SAMD12: variants seen among roughly 807,000 people sequenced by gnomAD.
SAMD12 encodes sterile alpha motif domain containing 12, also known as sterile alpha motif domain-containing protein 12.
Under a neutral mutation model 15.0 loss-of-function variants are expected in SAMD12, and 9 were observed. The observed-to-expected ratio is 0.60, with a 90% CI of 0.36 to 1.05. The LOEUF (loss-of-function observed/expected upper bound fraction) is 1.05, where lower values mean the gene tolerates loss of function less well. Among genes scored for constraint, SAMD12 ranks in the 50% least tolerant of loss-of-function variants. The pLI is 0.01. For missense variants in SAMD12, 230 were observed against 234.2 expected, an observed-to-expected ratio of 0.98 and a Z score of 0.12; for synonymous variants, 86 against 90.1, an observed-to-expected ratio of 0.96 and a Z score of 0.25.
At chr8:118,157,689 C>T in the SAMD12 span, among the ~76,000 whole-genome samples, 19 of 152,114 alleles carry the variant, frequency 1.2e-4, 3 homozygotes, top group Admixed American at 4.6e-4. Flanking sequence ...ACTGTTTTTA[C>T]AATGTTGCAA....
At chr8:118,166,112 G>A in the SAMD12 span, among the ~76,000 whole-genome samples, 2 of 152,092 alleles carry the variant, frequency 1.3e-5, no homozygotes, top group African/African-American at 4.8e-5. Flanking sequence ...CCTAGCAACT[G>A]GCACATTTTT....
intron 1 of SAMD12, among the ~76,000 whole-genome samples, chr8:118,598,140 G>A (rs1827769194): frequency 6.6e-6 from 1 of 152,130 alleles, no homozygotes; most frequent in Non-Finnish European, 1.5e-5. Context: ...GTGTATCTCT[G>A]CATTCTTCTG....
At chr8:118,612,563 C>T (rs1828135215) in intron 1 of SAMD12, among the ~76,000 whole-genome samples, 2 of 152,156 alleles carry the variant, frequency 1.3e-5, no homozygotes, top group South Asian at 4.1e-4. Flanking sequence ...CTCTCTTGTC[C>T]TTGTGAGGTT....
chr8:118,337,588 G>A (rs764686582), intron 4 of SAMD12, among the ~76,000 whole-genome samples: 28 of 152,038 alleles, frequency 1.8e-4, no homozygotes, highest in Non-Finnish European at 1.8e-4. Context: ...CATTCTAAAG[G>A]ACATGATAAA....
chr8:118,287,008 T>C (rs1040058612), intron 4 of SAMD12, among the ~76,000 whole-genome samples: 5 of 152,204 alleles, frequency 3.3e-5, no homozygotes, highest in Admixed American at 3.3e-4. Flanking sequence ...ACCCTACACA[T>C]TTTTTCTCAG....
chr8:118,370,548 T>C (rs1393536456), intron 4 of SAMD12, among the ~76,000 whole-genome samples: 1 of 152,182 alleles, frequency 6.6e-6, no homozygotes, highest in African/African-American at 2.4e-5. Context: ...CGTCAATCGA[T>C]GATAGACTTC....
chr8:118,301,848 C>A (rs532687560), intron 4 of SAMD12, among the ~76,000 whole-genome samples: 39 of 152,092 alleles, frequency 2.6e-4, no homozygotes, highest in African/African-American at 9.4e-4. Context: ...ACAGAAATTC[C>A]TTACAGGTAG....
intron 4 of SAMD12, among the ~76,000 whole-genome samples, chr8:118,339,141 G>C (rs1048801352): frequency 6.6e-6 from 1 of 152,080 alleles, no homozygotes; most frequent in Non-Finnish European, 1.5e-5. Context: ...ACCAGCCTGG[G>C]CAACATAGGG....
intron 4 of SAMD12, among the ~76,000 whole-genome samples, chr8:118,261,028 C>T (rs1219496568): frequency 6.6e-6 from 1 of 152,032 alleles, no homozygotes; most frequent in Non-Finnish European, 1.5e-5. Flanking sequence ...AAGTGCCTGG[C>T]CCAGGGAAGA....
intron 2 of SAMD12, among the ~76,000 whole-genome samples, chr8:118,572,857 C>T (rs1344343975): frequency 6.6e-6 from 1 of 151,900 alleles, no homozygotes; most frequent in Non-Finnish European, 1.5e-5. Flanking sequence ...GAATTGTAAT[C>T]CCCATAATCC....
the SAMD12 span, among the ~76,000 whole-genome samples, chr8:118,165,291 T>C: frequency 6.6e-6 from 1 of 152,102 alleles, no homozygotes; most frequent in Non-Finnish European, 1.5e-5. Context: ...GCCCATTTAT[T>C]ATAAAAGAAT....
At chr8:118,616,015 T>C (rs1828230588) in intron 1 of SAMD12, among the ~76,000 whole-genome samples, 1 of 152,156 alleles carries the variant, frequency 6.6e-6, no homozygotes, top group African/African-American at 2.4e-5. Context: ...TCATTCTCCT[T>C]CCTAAAACAA....
rs150599149 is a variant in SAMD12 at position 118,378,718 on chromosome 8, C to T, written c.*699G>A. 8.9e-5 allele frequency: 88 copies of T among 984,758 alleles called. No individual in the cohort carries two copies. Among genetic ancestry groups the T allele is most frequent in the African/African-American group, 3.3e-4 (19 of 57,302 alleles). 61.0% of individuals were successfully genotyped at this position (984,758 alleles called of 1,614,324 possible). On this transcript the variant is annotated 3_prime_UTR_variant, in exon 4 of 4. Transcript: ENST00000314727. Reference sequence around the variant, plus strand: ...TTCATTTAAAACGATGTACAATGGACGCTAAAATAAAACAAATAAAGTTTA... The same window carrying T: ...TTCATTTAAAACGATGTACAATGGATGCTAAAATAAAACAAATAAAGTTTA...
At chr8:118,336,880 A>G (rs1051909405) in intron 4 of SAMD12, among the ~76,000 whole-genome samples, 8 of 152,348 alleles carry the variant, frequency 5.3e-5, no homozygotes, top group Non-Finnish European at 7.3e-5. Flanking sequence ...ATGAAGCTGG[A>G]AACCATCATT....
At chr8:118,366,641 C>T (rs1464949186) in intron 4 of SAMD12, among the ~76,000 whole-genome samples, 3 of 151,572 alleles carry the variant, frequency 2.0e-5, no homozygotes, top group East Asian at 3.9e-4. Flanking sequence ...GGTGAAATCC[C>T]GTCTCTACTA....
intron 3 of SAMD12, among the ~76,000 whole-genome samples, chr8:118,413,442 C>CTTCT (rs376970277): frequency 3.9e-5 from 6 of 152,144 alleles, no homozygotes; most frequent in African/African-American, 1.4e-4. Flanking sequence ...TGTCCTTTAC[C>CTTCT]TTCTTTCTGC....
At chr8:118,188,539 A>T (rs1211624547), downstream of SAMD12, among the ~76,000 whole-genome samples, 1 of 152,196 alleles carries the variant, frequency 6.6e-6, no homozygotes, top group Non-Finnish European at 1.5e-5. Context: ...AGCATGTAAT[A>T]AAAAAGGCAA....
chr8:118,197,772 C>T (rs1563690633), intron 4 of SAMD12: 2 of 1,589,980 alleles, frequency 1.3e-6, no homozygotes, highest in African/African-American at 2.7e-5. Context: ...AAGTTCTTTC[C>T]TTTATGTTTC....
chr8:118,375,575 T>C (rs1159638662), downstream of SAMD12: 1 of 152,188 alleles, frequency 6.6e-6, no homozygotes, highest in East Asian at 1.9e-4. Flanking sequence ...TATCGAGTGA[T>C]TTACATATCT....
Sources: allele counts gnomAD v4.1 joint callset (sites outside exome capture counted in the v4.1 genomes callset), GRCh38; gene constraint gnomAD v4.1.1; transcripts MANE v1.5; gene names NCBI Gene and HGNC (gene_info 2026-07-23, HGNC 2026-07-21).